TENM3: variants seen among roughly 807,000 people sequenced by gnomAD.
The protein encoded by TENM3 is teneurin-3.
A neutral mutation model predicts 255.1 loss-of-function variants in TENM3; 63 were observed. The ratio of observed to expected loss-of-function variants is 0.25; its 90% CI spans 0.20 to 0.30. The LOEUF (loss-of-function observed/expected upper bound fraction) is 0.30, where lower values mean the gene tolerates loss of function less well. Among genes scored for constraint, TENM3 ranks in the 10% least tolerant of loss-of-function variants. TENM3 has a pLI of 1.00. For synonymous variants in TENM3, 1,306 were observed against 1,322.3 expected (o/e 0.99, Z 0.27); for missense variants, 2,929 against 3,461.1 (o/e 0.85, Z 3.86).
chr4:181,525,414 A>T, the TENM3 span, among the ~76,000 whole-genome samples: 1 of 151,460 alleles, frequency 6.6e-6, no homozygotes, highest in Non-Finnish European at 1.5e-5. Context: ...AAAAAAAAAA[A>T]AAAGGAATGC....
At chr4:182,291,819 CGCGTT>C (rs1761146029) in intron 1 of TENM3, among the ~76,000 whole-genome samples, 3 of 152,070 alleles carry the variant, frequency 2.0e-5, no homozygotes, top group Admixed American at 2.0e-4. Flanking sequence ...CCAGTGGGGT[CGCGTT>C]CCCATGGCAT....
intron 1 of TENM3, among the ~76,000 whole-genome samples, chr4:182,207,369 G>A (rs1754654756): frequency 6.6e-6 from 1 of 152,140 alleles, no homozygotes; most frequent in African/African-American, 2.4e-5. Flanking sequence ...AACTAAGCTG[G>A]GAGCTTTTTC....
At chr4:182,163,746 A>C (rs1322565738) in intron 1 of TENM3, among the ~76,000 whole-genome samples, 3 of 152,148 alleles carry the variant, frequency 2.0e-5, no homozygotes, top group Non-Finnish European at 2.9e-5. Context: ...GTTGTCCTTG[A>C]GTTTGATCTC....
the TENM3 span, among the ~76,000 whole-genome samples, chr4:181,669,901 A>G: frequency 6.6e-6 from 1 of 152,224 alleles, no homozygotes; most frequent in African/African-American, 2.4e-5. Context: ...CACATCAGCA[A>G]CAGGTTGAAA....
At chr4:182,666,532 T>C (rs1161664138) in intron 6 of TENM3, among the ~76,000 whole-genome samples, 1 of 152,196 alleles carries the variant, frequency 6.6e-6, no homozygotes, top group Non-Finnish European at 1.5e-5. Context: ...AAAAAGATGA[T>C]GACTTGATCA....
chr4:182,734,929 T>A (rs892919601), intron 16 of TENM3, among the ~76,000 whole-genome samples: 3 of 152,186 alleles, frequency 2.0e-5, no homozygotes, highest in African/African-American at 7.2e-5. Flanking sequence ...CTGTCAAATG[T>A]ATCGGAAATT....
At chr4:182,417,509 T>C (rs1332022054) in intron 3 of TENM3, among the ~76,000 whole-genome samples, 1 of 152,144 alleles carries the variant, frequency 6.6e-6, no homozygotes, top group Non-Finnish European at 1.5e-5. Context: ...TCTTTTTTTG[T>C]AGTTTGCTAA....
the TENM3 span, among the ~76,000 whole-genome samples, chr4:181,456,123 A>ATGTG: frequency 8.6e-5 from 8 of 93,436 alleles, no homozygotes; most frequent in African/African-American, 2.6e-4. Context: ...GTATATATAT[A>ATGTG]TATATGTGTG....
the TENM3 span, among the ~76,000 whole-genome samples, chr4:181,836,183 G>GCA: frequency 0.33 from 48,810 of 148,782 alleles, 8,121 homozygotes; most frequent in African/African-American, 0.41. Context: ...ATACACACAT[G>GCA]CACACACACA....
chr4:182,161,117 A>C (rs1342281249), intron 1 of TENM3, among the ~76,000 whole-genome samples: 1 of 148,998 alleles, frequency 6.7e-6, no homozygotes, highest in African/African-American at 2.5e-5. Flanking sequence ...CGTCTCTAGT[A>C]AAAATACAAA....
chr4:181,609,719 C>A, the TENM3 span, among the ~76,000 whole-genome samples: 1 of 152,228 alleles, frequency 6.6e-6, no homozygotes, highest in African/African-American at 2.4e-5. Context: ...ACACAATGGG[C>A]TCTCTAATGT....
At chr4:181,540,155 C>T in the TENM3 span, among the ~76,000 whole-genome samples, 1 of 152,028 alleles carries the variant, frequency 6.6e-6, no homozygotes, top group Non-Finnish European at 1.5e-5. Flanking sequence ...ATGAGAAGAC[C>T]TCAAGGGCCT....
the TENM3 span, among the ~76,000 whole-genome samples, chr4:182,022,475 A>C: frequency 6.6e-6 from 1 of 151,712 alleles, no homozygotes; most frequent in South Asian, 2.1e-4. Flanking sequence ...GGAGATCCAA[A>C]CCTCAGCATC....
At chr4:181,678,997 G>T in the TENM3 span, among the ~76,000 whole-genome samples, 1 of 151,950 alleles carries the variant, frequency 6.6e-6, no homozygotes, top group South Asian at 2.1e-4. Context: ...ACTAAATATG[G>T]CCCAGGGACT....
intron 1 of TENM3, among the ~76,000 whole-genome samples, chr4:182,190,994 A>G (rs1461954401): frequency 6.6e-6 from 1 of 152,188 alleles, no homozygotes; most frequent in Non-Finnish European, 1.5e-5. Flanking sequence ...AAATCCAGAT[A>G]TCCTGGTTAA....
chr4:181,752,778 G>A, the TENM3 span, among the ~76,000 whole-genome samples: 65 of 147,244 alleles, frequency 4.4e-4, no homozygotes, highest in African/African-American at 1.5e-3. Context: ...TTTTGTTTCC[G>A]AAATAGAAAA....
chr4:182,364,719 C>G (rs564753785), intron 3 of TENM3, among the ~76,000 whole-genome samples: 4 of 152,272 alleles, frequency 2.6e-5, no homozygotes, highest in African/African-American at 9.6e-5. Context: ...GCGCCCAGCC[C>G]CAACTTCAGT....
At chr4:181,736,502 A>C in the TENM3 span, among the ~76,000 whole-genome samples, 1 of 151,884 alleles carries the variant, frequency 6.6e-6, no homozygotes, top group African/African-American at 2.4e-5. Flanking sequence ...ATGGCAAATT[A>C]ATATATACTA....
the TENM3 span, among the ~76,000 whole-genome samples, chr4:181,456,653 T>C: frequency 3.3e-5 from 5 of 151,880 alleles, no homozygotes; most frequent in Non-Finnish European, 5.9e-5. Context: ...AGTACTTGTA[T>C]TGATGAGTGA....
Sources: allele counts gnomAD v4.1 joint callset (sites outside exome capture counted in the v4.1 genomes callset), GRCh38; gene constraint gnomAD v4.1.1; transcripts MANE v1.5; gene names NCBI Gene and HGNC (gene_info 2026-07-23, HGNC 2026-07-21).